Variants in STXBP6 observed in about 807,000 individuals in gnomAD.
STXBP6 encodes the protein syntaxin-binding protein 6.
In STXBP6, 21 loss-of-function variants were observed where a neutral mutation model predicts 26.9. That is an observed-to-expected ratio of 0.78 (90% confidence interval 0.55 to 1.12). The LOEUF (loss-of-function observed/expected upper bound fraction) is 1.12, where lower values mean the gene tolerates loss of function less well. Ranked by LOEUF, STXBP6 falls within the 50% of genes most tolerant of loss-of-function variation. The pLI, the probability that STXBP6 is intolerant of heterozygous loss-of-function variation, is 0.00. For synonymous variants in STXBP6, 97 were observed against 92.6 expected, an observed-to-expected ratio of 1.05 and a Z score of -0.27; for missense variants, 232 against 257.9, an observed-to-expected ratio of 0.90 and a Z score of 0.69.
intron 1 of STXBP6, among the ~76,000 whole-genome samples, chr14:25,001,377 C>T (rs920782486): frequency 9.9e-5 from 15 of 152,144 alleles, no homozygotes; most frequent in African/African-American, 3.6e-4. Flanking sequence ...ATAGGAGTAG[C>T]TTTTAAAATT....
intron 1 of STXBP6, among the ~76,000 whole-genome samples, chr14:24,979,841 T>C (rs1431217167): frequency 1.3e-5 from 2 of 152,202 alleles, no homozygotes; most frequent in Non-Finnish European, 2.9e-5. Flanking sequence ...CCTGAATAAT[T>C]TTGATGCTTC....
intron 2 of STXBP6, among the ~76,000 whole-genome samples, chr14:24,893,099 T>C (rs367761369): frequency 6.6e-6 from 1 of 152,308 alleles, no homozygotes; most frequent in Non-Finnish European, 1.5e-5. Flanking sequence ...TGAGCTGTGG[T>C]AGTAGATCCC....
intron 1 of STXBP6, among the ~76,000 whole-genome samples, chr14:24,979,590 T>A (rs564451916): frequency 2.0e-5 from 3 of 152,348 alleles, no homozygotes; most frequent in African/African-American, 7.2e-5. Context: ...CCACCTATAA[T>A]GTTGATGACA....
chr14:25,017,663 C>T (rs1459202177), intron 1 of STXBP6, among the ~76,000 whole-genome samples: 1 of 152,230 alleles, frequency 6.6e-6, no homozygotes, highest in East Asian at 1.9e-4. Context: ...CAATGACTTA[C>T]TTGGCTCTAA....
chr14:24,825,273 A>G (rs1487494062), intron 4 of STXBP6, among the ~76,000 whole-genome samples: 1 of 152,158 alleles, frequency 6.6e-6, no homozygotes, highest in African/African-American at 2.4e-5. Flanking sequence ...AAGGAGGAAA[A>G]ATAAATTCAG....
At chr14:24,866,263 C>T (rs2139284083) in intron 2 of STXBP6, among the ~76,000 whole-genome samples, 1 of 152,254 alleles carries the variant, frequency 6.6e-6, no homozygotes, top group Non-Finnish European at 1.5e-5. Flanking sequence ...CTTGGGCCTC[C>T]AACCTGCCAG....
At chr14:24,950,745 AT>A (rs2073138642) in intron 2 of STXBP6, among the ~76,000 whole-genome samples, 1 of 152,080 alleles carries the variant, frequency 6.6e-6, no homozygotes, top group Non-Finnish European at 1.5e-5. Context: ...TATTTAAAAA[AT>A]TTTTTTAAAG....
chr14:24,950,984 T>G (rs941751433), intron 2 of STXBP6, among the ~76,000 whole-genome samples: 1 of 151,946 alleles, frequency 6.6e-6, no homozygotes, highest in Non-Finnish European at 1.5e-5. Context: ...AGTGAGAGCA[T>G]GCGGTTTTGG....
chr14:24,929,121 C>A (rs182127678), intron 2 of STXBP6, among the ~76,000 whole-genome samples: 5 of 152,308 alleles, frequency 3.3e-5, no homozygotes, highest in African/African-American at 1.2e-4. Flanking sequence ...CTACTTTTCA[C>A]AAATTTATTC....
Position 24,952,758 on chromosome 14 carries a change from G to A in STXBP6, c.154+21907C>T, listed in dbSNP as rs570910339. Reference sequence around the variant, plus strand: ...ACTCAGCATTAGGGAAAAAAGGTACGTTGTTTTCCCTCTTGATTTATTTAA... The same window carrying A: ...ACTCAGCATTAGGGAAAAAAGGTACATTGTTTTCCCTCTTGATTTATTTAA... On this transcript the variant is annotated intron_variant, in intron 2 of 5. Transcript: ENST00000323944. Among the ~76,000 whole-genome samples the A allele has an allele frequency of 4.5e-4, 68 of 152,252 alleles. 1 individual carries two copies. Among genetic ancestry groups the A allele is most frequent in the African/African-American group, 1.5e-3 (63 of 41,546 alleles).
intron 4 of STXBP6, among the ~76,000 whole-genome samples, chr14:24,826,345 C>T (rs854392): frequency 0.92 from 140,770 of 152,202 alleles, 65,138 homozygotes; most frequent in East Asian, 1. Flanking sequence ...TGAGGTGATG[C>T]GCAAGTGGGG....
chr14:25,023,348 T>C (rs78652402), intron 1 of STXBP6, among the ~76,000 whole-genome samples: 12,502 of 152,254 alleles, frequency 0.082, 616 homozygotes, highest in Non-Finnish European at 0.12. Flanking sequence ...TGTATGACTA[T>C]TGAAATTCTT....
At chr14:24,951,278 T>C (rs1053697069) in intron 2 of STXBP6, among the ~76,000 whole-genome samples, 3 of 152,162 alleles carry the variant, frequency 2.0e-5, no homozygotes, top group Non-Finnish European at 4.4e-5. Context: ...CTGGGTCAAA[T>C]GGTATTTCTA....
intron 2 of STXBP6, among the ~76,000 whole-genome samples, chr14:24,908,550 T>G (rs1001562295): frequency 2.0e-5 from 3 of 152,226 alleles, no homozygotes; most frequent in African/African-American, 7.2e-5. Context: ...CTTCTCCACG[T>G]CCACTGTGCT....
At chr14:24,916,465 T>C (rs929000856) in intron 2 of STXBP6, among the ~76,000 whole-genome samples, 11 of 152,144 alleles carry the variant, frequency 7.2e-5, no homozygotes, top group Admixed American at 2.6e-4. Context: ...TAATTAGCCA[T>C]AGCAAAATAT....
intron 2 of STXBP6, among the ~76,000 whole-genome samples, chr14:24,922,962 CTTACATT>C (rs1455600180): frequency 1.3e-5 from 2 of 151,936 alleles, no homozygotes; most frequent in African/African-American, 4.8e-5. Flanking sequence ...CTTCCTTTTG[CTTACATT>C]TTAATGTATA....
At chr14:24,918,043 G>A (rs541511062) in intron 2 of STXBP6, among the ~76,000 whole-genome samples, 67 of 152,188 alleles carry the variant, frequency 4.4e-4, no homozygotes, top group African/African-American at 1.6e-3. Flanking sequence ...TTCCAGTGAT[G>A]TAAGATGTCC....
intron 1 of STXBP6, among the ~76,000 whole-genome samples, chr14:24,981,427 T>C (rs1293920809): frequency 6.6e-6 from 1 of 152,094 alleles, no homozygotes; most frequent in Non-Finnish European, 1.5e-5. Flanking sequence ...TATGTCACCA[T>C]GCCCGGCTAA....
At chr14:25,035,388 C>A (rs551456615) in intron 1 of STXBP6, among the ~76,000 whole-genome samples, 1 of 152,156 alleles carries the variant, frequency 6.6e-6, no homozygotes, top group East Asian at 1.9e-4. Flanking sequence ...TGTGTTTACT[C>A]AGGACACCAT....
Sources: allele counts gnomAD v4.1 joint callset (sites outside exome capture counted in the v4.1 genomes callset), GRCh38; gene constraint gnomAD v4.1.1; transcripts MANE v1.5; gene names NCBI Gene and HGNC (gene_info 2026-07-23, HGNC 2026-07-21).